PTPRN2: variants seen among roughly 807,000 people sequenced by gnomAD.
The protein encoded by PTPRN2 is protein tyrosine phosphatase receptor type N2, also known as receptor-type tyrosine-protein phosphatase N2.
A neutral mutation model predicts 118.8 loss-of-function variants in PTPRN2; 74 were observed. That is an observed-to-expected ratio of 0.62 (90% CI 0.52 to 0.76). The LOEUF is 0.76. Among genes scored for constraint, PTPRN2 ranks in the 30% least tolerant of loss-of-function variants. The pLI is 0.00. For synonymous variants in PTPRN2, 641 were observed against 608.0 expected, an observed-to-expected ratio of 1.05 and a Z score of -0.80; for missense variants, 1,481 against 1,394.4, an observed-to-expected ratio of 1.06 and a Z score of -0.99.
At chr7:158,345,747 G>A (rs757281627) in intron 2 of PTPRN2, among the ~76,000 whole-genome samples, 24 of 152,310 alleles carry the variant, frequency 1.6e-4, no homozygotes, top group Non-Finnish European at 2.4e-4. Flanking sequence ...CCAAGACTAA[G>A]TAATTTTTGA....
intron 9 of PTPRN2, among the ~76,000 whole-genome samples, chr7:158,121,019 G>A (rs1056558658): frequency 6.6e-6 from 1 of 152,144 alleles, no homozygotes; most frequent in Admixed American, 6.5e-5. Flanking sequence ...AGGCAAGTGC[G>A]ATGCTTCCAG....
chr7:157,563,118 G>A (rs1412637555), intron 21 of PTPRN2, among the ~76,000 whole-genome samples: 1 of 117,594 alleles, frequency 8.5e-6, no homozygotes, highest in Non-Finnish European at 1.7e-5. Flanking sequence ...TCAGGACCAC[G>A]TGCTCCCACG....
At chr7:157,740,411 A>G (rs1030009507) in intron 12 of PTPRN2, 8 of 146,976 alleles carry the variant, frequency 5.4e-5, no homozygotes, top group African/African-American at 2.0e-4. Flanking sequence ...GCTCCGGAAC[A>G]TCGTCTCCCT....
chr7:157,640,811 T>C (rs538834558), intron 14 of PTPRN2, among the ~76,000 whole-genome samples: 2 of 152,344 alleles, frequency 1.3e-5, no homozygotes, highest in East Asian at 3.9e-4. Flanking sequence ...AACTTGACCC[T>C]TGGCTAATCT....
intron 3 of PTPRN2, among the ~76,000 whole-genome samples, chr7:158,312,206 A>G (rs1205351735): frequency 3.2e-3 from 8 of 2,474 alleles, no homozygotes; most frequent in African/African-American, 9.7e-3. Flanking sequence ...ACTCACATGC[A>G]CACACACGTG....
intron 11 of PTPRN2, among the ~76,000 whole-genome samples, chr7:157,930,997 T>G (rs1418969537): frequency 6.6e-6 from 1 of 152,162 alleles, no homozygotes; most frequent in Non-Finnish European, 1.5e-5. Flanking sequence ...TCACCTCCAG[T>G]GCACAGGCCT....
At position 158,194,473 on chromosome 7, in the gene PTPRN2, C is replaced by T. The variant is rs1036650486; in HGVS notation, c.381-1978G>A. Among the ~76,000 whole-genome samples the T allele has an allele frequency of 5.3e-5, 8 of 152,218 alleles. No homozygotes were observed. In the East Asian group the frequency reaches 7.7e-4, roughly 15 times the overall value. ...CAGCAATGCTCCCAAATCCCCTTCC[C>T]GCTGAGAGCCATGCTCAGCGATGAC... is the stretch of plus-strand genomic sequence containing the variant. On this transcript the variant is annotated intron_variant, in intron 4 of 22. Transcript: ENST00000389418.
intron 11 of PTPRN2, among the ~76,000 whole-genome samples, chr7:158,049,048 C>T (rs56093608): frequency 0.8 from 45 of 56 alleles, 22 homozygotes; most frequent in African/African-American, 1. Context: ...CATCATCACC[C>T]TCACCATCAT....
At chr7:158,090,728 G>C (rs374149151) in intron 10 of PTPRN2, among the ~76,000 whole-genome samples, 2 of 152,318 alleles carry the variant, frequency 1.3e-5, no homozygotes, top group African/African-American at 4.8e-5. Context: ...TTGAGTGTAA[G>C]AGTTCTGCGT....
Position 157,925,080 on chromosome 7 carries a change from C to T in PTPRN2, c.1724-26343G>A, listed in dbSNP as rs1798895942. Reference sequence around the variant, plus strand: ...TATTGAAATGTAGTCAGGATGCAGGCACCTGCATTTAGCACGTCAAGCAAA... The same window carrying T: ...TATTGAAATGTAGTCAGGATGCAGGTACCTGCATTTAGCACGTCAAGCAAA... On this transcript the variant is annotated intron_variant, in intron 11 of 22. Transcript: ENST00000389418. Among the ~76,000 whole-genome samples the T allele has an allele frequency of 2.0e-5, 2 of 100,902 alleles. 1 individual carries two copies. Among genetic ancestry groups the T allele is most frequent in the South Asian group, 5.7e-4 (2 of 3,506 alleles). The allele number at this position is 100,902 out of a possible 152,430, so 66.2% of individuals were successfully genotyped here.
In PTPRN2 at chr7:157,699,548, C is replaced by G. The variant is rs1309816207; in HGVS notation, c.1789-16611G>C. On this transcript the variant is annotated intron_variant, in intron 12 of 22. Transcript: ENST00000389418. Reference sequence around the variant, plus strand: ...CACCCAGGTTCAAATGATTCTGCTGCCAGTAGCTGGGATTACAGGTGTCTG... The same window carrying G: ...CACCCAGGTTCAAATGATTCTGCTGGCAGTAGCTGGGATTACAGGTGTCTG... Among the ~76,000 whole-genome samples the G allele has an allele frequency of 2.0e-5, 3 of 152,166 alleles. No homozygotes were observed. In the East Asian group the frequency reaches 5.8e-4, roughly 29 times the overall value.
At chr7:158,430,145 A>T (rs1268284701) in intron 2 of PTPRN2, among the ~76,000 whole-genome samples, 1 of 152,120 alleles carries the variant, frequency 6.6e-6, no homozygotes, top group Non-Finnish European at 1.5e-5. Context: ...TGACCTTGTG[A>T]TCCACCTGCC....
In PTPRN2 at chr7:158,329,952, T is replaced by C. The variant is rs145354496; in HGVS notation, c.164-13020A>G. ...ATTCTGCAACCAACTCACAAAATCC[T>C]CAGGTCTTGTATGGCGACTCTCACC... On this transcript the variant is annotated intron_variant, in intron 2 of 22. Coordinates refer to ENST00000389418, the MANE Select transcript of PTPRN2 (RefSeq NM_002847.5). Among the ~76,000 whole-genome samples, 131 of 151,960 alleles carry C rather than the reference T, an allele frequency of 8.6e-4. 2 individuals are homozygous for C. Among genetic ancestry groups the C allele is most frequent in the African/African-American group, 2.6e-3 (109 of 41,366 alleles).
At chr7:158,226,811 T>G (rs1166214019) in intron 3 of PTPRN2, among the ~76,000 whole-genome samples, 3 of 151,890 alleles carry the variant, frequency 2.0e-5, no homozygotes, top group Non-Finnish European at 1.5e-5. Context: ...TATTATATCA[T>G]ATTTATTCTC....
At chr7:158,411,898 G>A (rs951329190) in intron 2 of PTPRN2, among the ~76,000 whole-genome samples, 12 of 152,084 alleles carry the variant, frequency 7.9e-5, no homozygotes, top group African/African-American at 2.9e-4. Context: ...CTGCGCACAT[G>A]AGACTGGGGC....
Position 157,548,972 on chromosome 7 carries a change from G to T in PTPRN2, c.2950C>A (p.Gln984Lys). The T allele has an allele frequency of 6.2e-7, 1 of 1,614,198 alleles. No individual in the cohort carries two copies. The highest frequency in any genetic ancestry group is 8.5e-7 in the Non-Finnish European group (1 of 1,180,030). Residue 984 changes from glutamine to lysine, a missense_variant, in exon 22 of 23, where the codon CAG (glutamine) becomes AAG (lysine). Coordinates refer to ENST00000389418, the MANE Select transcript of PTPRN2 (RefSeq NM_002847.5). ...IAATLEHLRD[Q>K]RPGMVQTKEQ... Reference sequence around the variant, plus strand: ...TTCGTCTGGACCATGCCGGGTCTCTGGTCCCTCAAGTGCTCCAGGGTCGCT... The same window carrying T: ...TTCGTCTGGACCATGCCGGGTCTCTTGTCCCTCAAGTGCTCCAGGGTCGCT...
intron 2 of PTPRN2, among the ~76,000 whole-genome samples, chr7:158,403,903 T>C (rs568540686): frequency 2.0e-5 from 3 of 152,284 alleles, no homozygotes; most frequent in South Asian, 4.1e-4. Flanking sequence ...GTCACCTAAT[T>C]AAGGTAATGA....
At chr7:158,201,267 C>T (rs1826626576) in intron 4 of PTPRN2, among the ~76,000 whole-genome samples, 1 of 152,058 alleles carries the variant, frequency 6.6e-6, no homozygotes, top group Non-Finnish European at 1.5e-5. Flanking sequence ...ATTTTAAAAA[C>T]CATAATAGTG....
intron 12 of PTPRN2, among the ~76,000 whole-genome samples, chr7:157,719,209 G>A (rs922894252): frequency 2.0e-5 from 3 of 152,286 alleles, no homozygotes; most frequent in East Asian, 1.9e-4. Context: ...CTGTGTGGCC[G>A]CAGGTGGTCA....
Sources: gnomAD v4.1 joint callset for allele counts (sites outside exome capture counted in the v4.1 genomes callset) on GRCh38, gnomAD v4.1.1 for gene constraint, MANE v1.5 for transcripts, NCBI Gene and HGNC (gene_info 2026-07-23, HGNC 2026-07-21) for gene names.